DNAH6: variants seen among roughly 807,000 people sequenced by gnomAD.
DNAH6 encodes dynein axonemal heavy chain 6, also known as axonemal beta dynein heavy chain 6.
A neutral mutation model predicts 491.4 loss-of-function variants in DNAH6; 340 were observed. That is an observed-to-expected ratio of 0.69 (90% CI 0.63 to 0.76). DNAH6 has a LOEUF of 0.76. Ranked by LOEUF, DNAH6 falls within the 30% of genes least tolerant of loss-of-function variation. The pLI, the probability that DNAH6 is intolerant of heterozygous loss-of-function variation, is 0.00. For missense variants in DNAH6, 4,443 were observed against 4,972.2 expected, an observed-to-expected ratio of 0.89 and a Z score of 3.20; for synonymous variants, 1,603 against 1,686.1, an observed-to-expected ratio of 0.95 and a Z score of 1.21.
intron 35 of DNAH6, 94 bp from the exon 36 acceptor site, chr2:84,658,198 A>G (rs1691159593): frequency 1.2e-6 from 1 of 813,844 alleles, no homozygotes; most frequent in South Asian, 2.6e-5. Context: ...AGGTCACTGA[A>G]TATATAGAAA....
At chr2:84,668,783 C>T (rs1273232136) in intron 37 of DNAH6, among the ~76,000 whole-genome samples, 1 of 151,074 alleles carries the variant, frequency 6.6e-6, no homozygotes. Context: ...ACCATAACTC[C>T]CCTGCAAGTA....
At chr2:84,759,953 G>A (rs1393877869) in intron 63 of DNAH6, among the ~76,000 whole-genome samples, 28 of 152,138 alleles carry the variant, frequency 1.8e-4, no homozygotes, top group Admixed American at 1.8e-3. Context: ...GCATGGCACT[G>A]TTATAAAAAT....
chr2:84,518,231 C>A (rs1179955600), intron 2 of DNAH6, among the ~76,000 whole-genome samples, 180 bp downstream of exon 2: 1 of 152,114 alleles, frequency 6.6e-6, no homozygotes, highest in Admixed American at 6.5e-5. Flanking sequence ...ATATTAAGTT[C>A]TAGGCACTGT....
chr2:84,779,477 T>C (rs7580723), intron 64 of DNAH6, among the ~76,000 whole-genome samples: 5,206 of 152,322 alleles, frequency 0.034, 262 homozygotes, highest in African/African-American at 0.11. Flanking sequence ...TCTCTTGTTT[T>C]CCTTTTGCAT....
In DNAH6 at chr2:84,815,950, A is replaced by C. The variant is rs990574348; in HGVS notation, c.12240A>C (p.Ala4080=). ...WDDKEMVIED[A]LPGQMNPVLP... is the part of the protein sequence containing the mutation. ...ATAAGGAGATGGTGATAGAAGATGC[A>C]TTGCCCGGACAGATGAATCCAGTGC... The change falls in exon 76 of 77, where the codon GCA becomes GCC. Residue 4080 remains alanine, a synonymous_variant. Transcript: ENST00000389394. The C allele has an allele frequency of 1.9e-5, 29 of 1,551,932 alleles. No individual in the cohort carries two copies. Among genetic ancestry groups the C allele is most frequent in the Non-Finnish European group, 2.4e-5 (28 of 1,147,058 alleles).
chr2:84,685,812 A>G (rs1263741905), intron 43 of DNAH6, among the ~76,000 whole-genome samples: 1 of 152,082 alleles, frequency 6.6e-6, no homozygotes, highest in Non-Finnish European at 1.5e-5. Context: ...AAATAAGTAA[A>G]TTCAGGAAGT....
At position 84,669,465 on chromosome 2, in the gene DNAH6, A is replaced by C; in HGVS notation, c.6261A>C (p.Ala2087=). The part of the protein sequence containing the change: ...RYGYLMEKLL[A]VKHSVLFTGI... ...GGTATCTAATGGAAAAACTACTGGC[A>C]GTCAAGCATTCCGTGTTGTTTACTG... The change falls in exon 38 of 77, where the codon GCA becomes GCC. Residue 2087 remains alanine, a synonymous_variant. Coordinates refer to ENST00000389394, the MANE Select transcript of DNAH6 (RefSeq NM_001370.2). The C allele has an allele frequency of 6.4e-7, 1 of 1,551,950 alleles. No individual in the cohort carries two copies. Among genetic ancestry groups the C allele is most frequent in the African/African-American group, 1.4e-5 (1 of 73,178 alleles).
chr2:84,757,167 A>G (rs573682284), intron 63 of DNAH6, among the ~76,000 whole-genome samples: 9 of 152,350 alleles, frequency 5.9e-5, no homozygotes, highest in African/African-American at 2.2e-4. Context: ...AGAATAGGAC[A>G]GAAAAATATC....
At chr2:84,521,564 T>C (rs924029551) in intron 2 of DNAH6, among the ~76,000 whole-genome samples, 2 of 152,290 alleles carry the variant, frequency 1.3e-5, no homozygotes, top group East Asian at 3.9e-4. Context: ...ACGTTCAGAA[T>C]GGTATTGCCT....
intron 39 of DNAH6, among the ~76,000 whole-genome samples, chr2:84,672,081 G>C (rs1692789672): frequency 6.6e-6 from 1 of 152,218 alleles, no homozygotes; most frequent in East Asian, 1.9e-4. Context: ...CCACCATCTT[G>C]TGCCCTGACA....
chr2:84,695,385 G>A (rs1336449245), intron 46 of DNAH6, among the ~76,000 whole-genome samples: 2 of 152,060 alleles, frequency 1.3e-5, no homozygotes, highest in Non-Finnish European at 2.9e-5. Flanking sequence ...GGGAATAATA[G>A]GCCTGTTTAT....
intron 4 of DNAH6, among the ~76,000 whole-genome samples, chr2:84,541,271 T>C (rs1449993167): frequency 1.3e-5 from 2 of 152,018 alleles, no homozygotes; most frequent in Non-Finnish European, 2.9e-5. Context: ...CTCTCAGTAA[T>C]GAACTGGAAA....
intron 5 of DNAH6, among the ~76,000 whole-genome samples, chr2:84,546,590 A>G (rs1678819458): frequency 6.6e-6 from 1 of 152,250 alleles, no homozygotes; most frequent in Non-Finnish European, 1.5e-5. Flanking sequence ...GTAGCATAGC[A>G]TTTTTAAAAG....
At chr2:84,697,877 G>T in intron 47 of DNAH6, 150 bp downstream of exon 47, 1 of 841,340 alleles carries the variant, frequency 1.2e-6, no homozygotes, top group South Asian at 1.8e-5. Context: ...TTTTATTTTC[G>T]GTGTTTAAAG....
intron 11 of DNAH6, among the ~76,000 whole-genome samples, chr2:84,570,432 T>C (rs775040329): frequency 3.3e-5 from 5 of 152,138 alleles, no homozygotes; most frequent in Admixed American, 6.5e-5. Flanking sequence ...ACTCTGTGTC[T>C]AGCTAAAGGA....
At chr2:84,580,164 C>T (rs1394191808) in intron 14 of DNAH6, among the ~76,000 whole-genome samples, 1 of 152,072 alleles carries the variant, frequency 6.6e-6, no homozygotes, top group African/African-American at 2.4e-5. Flanking sequence ...GCATAATAGT[C>T]AGGAAACTTA....
intron 64 of DNAH6, among the ~76,000 whole-genome samples, chr2:84,765,141 A>T (rs1674957451): frequency 6.6e-6 from 1 of 152,150 alleles, no homozygotes; most frequent in Non-Finnish European, 1.5e-5. Flanking sequence ...ACAAGCAAAT[A>T]ATTGCATGTA....
chr2:84,761,775 TACACACACACACATAC>T (rs1315736589), intron 63 of DNAH6, among the ~76,000 whole-genome samples: 8 of 123,624 alleles, frequency 6.5e-5, no homozygotes, highest in East Asian at 6.4e-4. Flanking sequence ...CAGCATTACA[TACACACACACACATAC>T]ACACACACAC....
At chr2:84,754,610 T>C (rs1189613890) in intron 63 of DNAH6, among the ~76,000 whole-genome samples, 1 of 152,252 alleles carries the variant, frequency 6.6e-6, no homozygotes, top group African/African-American at 2.4e-5. Context: ...AGAGTTTTTT[T>C]CTGAATTTTC....
Sources: allele counts gnomAD v4.1 joint callset (sites outside exome capture counted in the v4.1 genomes callset), GRCh38; gene constraint gnomAD v4.1.1; transcripts MANE v1.5; gene names NCBI Gene and HGNC (gene_info 2026-07-23, HGNC 2026-07-21).